ZSCAN18: variants seen among roughly 807,000 people sequenced by gnomAD.
ZSCAN18 encodes the protein zinc finger and SCAN domain-containing protein 18.
Under a neutral mutation model 31.1 loss-of-function variants are expected in ZSCAN18, and 16 were observed. The ratio of observed to expected loss-of-function variants is 0.51; its 90% CI spans 0.35 to 0.78. The LOEUF (loss-of-function observed/expected upper bound fraction) is 0.78, where lower values mean the gene tolerates loss of function less well. Among genes scored for constraint, ZSCAN18 ranks in the 30% least tolerant of loss-of-function variants. The probability of loss-of-function intolerance (pLI) is 0.01; values close to 1 mark genes in which losing one functional copy is unlikely to be tolerated. For missense variants in ZSCAN18, 731 were observed against 697.4 expected (o/e 1.05, Z -0.54); for synonymous variants, 375 against 320.7 (o/e 1.17, Z -1.81).
upstream of ZSCAN18, chr19:58,118,413 C>A (rs936660742): frequency 5.4e-6 from 8 of 1,486,288 alleles, no homozygotes; most frequent in Non-Finnish European, 7.2e-6. Flanking sequence ...GCAGAGTTCC[C>A]GGATGCGATA....
At chr19:58,108,243 C>T in intron 1 of ZSCAN18, 5 of 985,572 alleles carry the variant, frequency 5.1e-6, no homozygotes, top group Non-Finnish European at 6.0e-6. Context: ...GGCCTTTCTA[C>T]ACCCAGTACA....
intron 2 of ZSCAN18, among the ~76,000 whole-genome samples, chr19:58,089,285 A>G (rs1026077339): frequency 9.6e-6 from 1 of 103,976 alleles, no homozygotes; most frequent in African/African-American, 3.8e-5. Flanking sequence ...CCTGGGCGAC[A>G]GAGCGAGACT....
chr19:58,111,481 G>A lies in ZSCAN18; in HGVS notation c.130+6786C>T, dbSNP rs138903575. 3.5e-3 allele frequency among the ~76,000 whole-genome samples: 533 copies of A among 151,994 alleles called. 2 individuals are homozygous for A. The highest frequency in any genetic ancestry group is 6.0e-3 in the Non-Finnish European group (406 of 67,996). On this transcript the variant is annotated intron_variant, in intron 1 of 1. Coordinates refer to the ZSCAN18 transcript ENST00000595721. ...CTGCCTCAGTCTCCAAAGTAGCTAGGACTACAGGTATGCACCACCATGTGC... is the reference window on the plus strand; with the variant it reads ...CTGCCTCAGTCTCCAAAGTAGCTAGAACTACAGGTATGCACCACCATGTGC...
rs756814707 is a variant in ZSCAN18 at position 58,090,279 on chromosome 19, G to A, written c.-12C>T. The A allele has an allele frequency of 9.3e-6, 15 of 1,613,336 alleles. No individual in the cohort carries two copies. The highest frequency in any genetic ancestry group is 5.3e-5 in the African/African-American group (4 of 74,912). ...TCCAAAGGCAACATCTTTCCAAAAC[G>A]GCACTGGAAAATGTGACTGTCTAGC... On this transcript the variant is annotated 5_prime_UTR_variant, in exon 2 of 7. Coordinates refer to ENST00000601144, the MANE Select transcript of ZSCAN18 (RefSeq NM_001145543.2). This position sits in a 1 kb window ranked among gnomAD's most constrained non-coding sequence, Gnocchi z 4.7.
Position 58,084,498 on chromosome 19 carries a change from G to A in ZSCAN18, c.*187C>T, listed in dbSNP as rs1026238860. On this transcript the variant is annotated 3_prime_UTR_variant, in exon 7 of 7. Transcript: ENST00000601144. This position sits in a 1 kb window ranked among gnomAD's most constrained non-coding sequence, Gnocchi z 4.5. ...CGCTGGCCCAGGGTGTGTTTACAGAGGTGAGGGCTTCCCGTGGACCCTTCT... is the reference window on the plus strand; with the variant it reads ...CGCTGGCCCAGGGTGTGTTTACAGAAGTGAGGGCTTCCCGTGGACCCTTCT... 2 of 570,774 alleles carry A rather than the reference G, an allele frequency of 3.5e-6. No individual in the cohort carries two copies. The highest frequency in any genetic ancestry group is 2.9e-6 in the Non-Finnish European group (1 of 347,794). The allele number at this position is 570,774 out of a possible 1,614,324, so 35.4% of individuals were successfully genotyped here.
intron 5 of ZSCAN18, 176 bp from the exon 6 acceptor site, chr19:58,086,442 C>T (rs1370492539): frequency 5.6e-6 from 3 of 531,136 alleles, no homozygotes; most frequent in South Asian, 3.0e-5. Flanking sequence ...AAGAAGAAGG[C>T]GAGGCTGGAA....
intron 1 of ZSCAN18, among the ~76,000 whole-genome samples, chr19:58,116,429 C>T (rs921306460): frequency 6.6e-6 from 1 of 151,754 alleles, no homozygotes; most frequent in African/African-American, 2.4e-5. Flanking sequence ...AGACCTCCAC[C>T]TCACAGAGTA....
At chr19:58,102,039 C>G (rs1184593877), upstream of ZSCAN18, among the ~76,000 whole-genome samples, 1 of 151,946 alleles carries the variant, frequency 6.6e-6, no homozygotes, top group Admixed American at 6.6e-5. Flanking sequence ...TAAATAAAAG[C>G]CTCAAAATGC....
At chr19:58,112,648 C>CA (rs879807457) in intron 1 of ZSCAN18, among the ~76,000 whole-genome samples, 63 of 145,198 alleles carry the variant, frequency 4.3e-4, no homozygotes, top group Middle Eastern at 3.6e-3. Flanking sequence ...AAGACTGTCT[C>CA]AAAAAAAAGA....
intron 1 of ZSCAN18, chr19:58,109,081 C>G (rs2074658413): frequency 8.1e-7 from 1 of 1,227,106 alleles, no homozygotes; most frequent in African/African-American, 1.6e-5. Flanking sequence ...GACCACAGCC[C>G]CTCATAGATG....
At chr19:58,095,650 T>C (rs990514619) in intron 1 of ZSCAN18, among the ~76,000 whole-genome samples, 2 of 152,128 alleles carry the variant, frequency 1.3e-5, no homozygotes, top group African/African-American at 4.8e-5. Flanking sequence ...TCCTCGGCCA[T>C]TGGCAGGGGC....
At chr19:58,113,081 C>T (rs980474509) in intron 1 of ZSCAN18, among the ~76,000 whole-genome samples, 5 of 151,250 alleles carry the variant, frequency 3.3e-5, no homozygotes, top group African/African-American at 7.3e-5. Flanking sequence ...TTTGGGAGGC[C>T]GAGGCAGGCA....
At chr19:58,091,806 C>T (rs1280631422) in intron 1 of ZSCAN18, among the ~76,000 whole-genome samples, 1 of 152,198 alleles carries the variant, frequency 6.6e-6, no homozygotes, top group Non-Finnish European at 1.5e-5. Context: ...CTGCAGCTGT[C>T]CACCTTCTCC....
intron 1 of ZSCAN18, among the ~76,000 whole-genome samples, chr19:58,115,810 T>C (rs1600019678): frequency 6.6e-6 from 1 of 152,336 alleles, no homozygotes; most frequent in African/African-American, 2.4e-5. Context: ...TTAGTATGCA[T>C]GCAAGTCATC....
At chr19:58,099,962 A>ATG (rs1555802331), upstream of ZSCAN18, among the ~76,000 whole-genome samples, 554 of 59,508 alleles carry the variant, frequency 9.3e-3, 7 homozygotes, top group African/African-American at 0.021. Flanking sequence ...TTTGAAAGCT[A>ATG]TGTTTTTTTT....
At chr19:58,091,447 G>C (rs572602365) in intron 1 of ZSCAN18, among the ~76,000 whole-genome samples, 1 of 147,666 alleles carries the variant, frequency 6.8e-6, no homozygotes, top group African/African-American at 2.5e-5. Flanking sequence ...CCACCTCCCC[G>C]TTTCTGGAAA....
At chr19:58,109,653 G>A (rs1735688805) in intron 1 of ZSCAN18, among the ~76,000 whole-genome samples, 1 of 152,152 alleles carries the variant, frequency 6.6e-6, no homozygotes, top group African/African-American at 2.4e-5. Context: ...CATATTATTT[G>A]AAAGAGGAAG....
At chr19:58,095,600 C>T (rs1403039663) in intron 1 of ZSCAN18, among the ~76,000 whole-genome samples, 1 of 152,188 alleles carries the variant, frequency 6.6e-6, no homozygotes, top group African/African-American at 2.4e-5. Flanking sequence ...CAGCTCTGAG[C>T]ATGGTGGAGG....
chr19:58,099,191 T>C (rs956987398), upstream of ZSCAN18, among the ~76,000 whole-genome samples: 2 of 152,168 alleles, frequency 1.3e-5, no homozygotes, highest in African/African-American at 4.8e-5. Context: ...TTAACTCATA[T>C]CCACCAACAA....
Sources: gnomAD v4.1 joint callset for allele counts (sites outside exome capture counted in the v4.1 genomes callset) on GRCh38, gnomAD v4.1.1 for gene constraint, Gnocchi (gnomAD v3.1) non-coding constraint, MANE v1.5 for transcripts, NCBI Gene and HGNC (gene_info 2026-07-23, HGNC 2026-07-21) for gene names.